The following DSCAM variants were observed in gnomAD, a reference collection of about 807,000 sequenced individuals.
DSCAM encodes cell adhesion molecule DSCAM.
Under a neutral mutation model 217.7 loss-of-function variants are expected in DSCAM, and 47 were observed. The observed-to-expected ratio is 0.22, with a 90% confidence interval of 0.17 to 0.28. The LOEUF (loss-of-function observed/expected upper bound fraction) is 0.28, where lower values mean the gene tolerates loss of function less well. Among genes scored for constraint, DSCAM ranks in the 10% least tolerant of loss-of-function variants. The pLI is 1.00. For missense variants in DSCAM, 2,080 were observed against 2,618.3 expected (o/e 0.79, Z 4.49); for synonymous variants, 1,056 against 1,015.3 (o/e 1.04, Z -0.76).
At chr21:40,817,455 A>G (rs1376205595) in intron 1 of DSCAM, among the ~76,000 whole-genome samples, 1 of 152,238 alleles carries the variant, frequency 6.6e-6, no homozygotes, top group African/African-American at 2.4e-5. Flanking sequence ...CAAGGGAAGC[A>G]GGATGAAATC....
In DSCAM at chr21:40,217,346, T is replaced by A. The variant is rs576275325; in HGVS notation, c.2357-28108A>T. On this transcript the variant is annotated intron_variant, in intron 11 of 32. Transcript: ENST00000400454. ...ACATTTTCTTCTATCTAAAAAGATA[T>A]GATTTCTGAGCCTTGTCAACATAAT... Among the ~76,000 whole-genome samples, 3 of 152,344 alleles carry A rather than the reference T, an allele frequency of 2.0e-5. No individual in the cohort carries two copies. In the South Asian group the frequency reaches 6.2e-4, roughly 32 times the overall value.
chr21:40,566,081 A>G (rs556426928), intron 3 of DSCAM, among the ~76,000 whole-genome samples: 1 of 152,212 alleles, frequency 6.6e-6, no homozygotes, highest in Non-Finnish European at 1.5e-5. Context: ...TCAGTCATTA[A>G]GATGTCATCC....
chr21:40,429,341 A>G (rs1174983921), intron 3 of DSCAM, among the ~76,000 whole-genome samples: 2 of 151,238 alleles, frequency 1.3e-5, no homozygotes, highest in Non-Finnish European at 2.9e-5. Context: ...ATCTCGGCTC[A>G]CTGCAACCTC....
chr21:40,432,370 G>A (rs1039654311), intron 3 of DSCAM, among the ~76,000 whole-genome samples: 3 of 151,984 alleles, frequency 2.0e-5, no homozygotes, highest in Non-Finnish European at 2.9e-5. Context: ...CTCAGCTCCT[G>A]GCCATCACTC....
chr21:40,355,330 A>T (rs893043450), intron 4 of DSCAM, among the ~76,000 whole-genome samples: 2 of 152,224 alleles, frequency 1.3e-5, no homozygotes, highest in South Asian at 4.1e-4. Context: ...TGGATTAAAA[A>T]GCAGCAGCTT....
chr21:40,367,201 A>G (rs2074842603), intron 4 of DSCAM, among the ~76,000 whole-genome samples: 1 of 152,168 alleles, frequency 6.6e-6, no homozygotes, highest in Non-Finnish European at 1.5e-5. Flanking sequence ...TAAGACACAA[A>G]GAATTCTCCT....
intron 8 of DSCAM, among the ~76,000 whole-genome samples, chr21:40,327,028 T>G (rs1474557424): frequency 3.3e-5 from 5 of 151,652 alleles, no homozygotes; most frequent in African/African-American, 1.2e-4. Context: ...TTTATTGAAT[T>G]TATATATTTA....
At chr21:40,559,950 T>G (rs462601) in intron 3 of DSCAM, among the ~76,000 whole-genome samples, 3 of 151,890 alleles carry the variant, frequency 2.0e-5, no homozygotes, top group African/African-American at 7.3e-5. Context: ...CCAACTACCA[T>G]GCCCGGCTAA....
intron 3 of DSCAM, among the ~76,000 whole-genome samples, chr21:40,436,379 T>C (rs1001715566): frequency 2.6e-5 from 4 of 152,214 alleles, no homozygotes; most frequent in Non-Finnish European, 5.9e-5. Flanking sequence ...CCCATCATAG[T>C]CCTCTGGGGG....
chr21:40,349,666 A>C (rs771198945), intron 5 of DSCAM, among the ~76,000 whole-genome samples: 1 of 152,192 alleles, frequency 6.6e-6, no homozygotes, highest in Non-Finnish European at 1.5e-5. Context: ...AGTTATTGAG[A>C]GCGCTTAAAT....
intron 1 of DSCAM, among the ~76,000 whole-genome samples, chr21:40,712,557 A>G (rs2090793569): frequency 6.6e-6 from 1 of 151,746 alleles, no homozygotes; most frequent in South Asian, 2.1e-4. Flanking sequence ...CACATATTCA[A>G]TGGGCTCATA....
chr21:40,706,376 A>T (rs1215405548), intron 2 of DSCAM, among the ~76,000 whole-genome samples: 1 of 152,102 alleles, frequency 6.6e-6, no homozygotes, highest in Non-Finnish European at 1.5e-5. Flanking sequence ...CAGGCAAGAA[A>T]ATATCTTATG....
chr21:40,088,180 A>G (rs998741472), intron 21 of DSCAM, among the ~76,000 whole-genome samples: 1 of 152,196 alleles, frequency 6.6e-6, no homozygotes, highest in African/African-American at 2.4e-5. Flanking sequence ...AGCTGGGGAC[A>G]TAGAGGAAAC....
chr21:40,448,749 T>G (rs1225376452), intron 3 of DSCAM, among the ~76,000 whole-genome samples: 1 of 152,192 alleles, frequency 6.6e-6, no homozygotes, highest in Non-Finnish European at 1.5e-5. Flanking sequence ...TAGGAGTATA[T>G]TCTCACAAAA....
intron 3 of DSCAM, among the ~76,000 whole-genome samples, chr21:40,619,346 A>G (rs2089448771): frequency 1.3e-5 from 2 of 152,188 alleles, no homozygotes; most frequent in Non-Finnish European, 2.9e-5. Context: ...AATATTTTTG[A>G]TGATTACATT....
intron 3 of DSCAM, among the ~76,000 whole-genome samples, chr21:40,420,274 C>G (rs1448863208): frequency 6.6e-6 from 1 of 152,114 alleles, no homozygotes; most frequent in Non-Finnish European, 1.5e-5. Flanking sequence ...TAAAAGGAAA[C>G]AGTTTGACAT....
intron 3 of DSCAM, among the ~76,000 whole-genome samples, chr21:40,502,768 C>T (rs994764439): frequency 6.6e-6 from 1 of 152,124 alleles, no homozygotes; most frequent in Non-Finnish European, 1.5e-5. Context: ...TCTATCTCCA[C>T]CTTTAATTTC....
At chr21:40,713,358 C>T (rs34236447) in intron 1 of DSCAM, among the ~76,000 whole-genome samples, 22,418 of 152,072 alleles carry the variant, frequency 0.15, 1,809 homozygotes, top group Middle Eastern at 0.21. Flanking sequence ...GGCATTGAGA[C>T]GTGTGTTGTG....
At chr21:40,040,849 G>T (rs1458491789) in intron 32 of DSCAM, among the ~76,000 whole-genome samples, 1 of 152,100 alleles carries the variant, frequency 6.6e-6, no homozygotes, top group Non-Finnish European at 1.5e-5. Flanking sequence ...CTCACCTTCA[G>T]GCTGAAGAGC....
Sources: allele counts gnomAD v4.1 joint callset (sites outside exome capture counted in the v4.1 genomes callset), GRCh38; gene constraint gnomAD v4.1.1; transcripts MANE v1.5; gene names NCBI Gene and HGNC (gene_info 2026-07-23, HGNC 2026-07-21).